The following CHODL variants were observed in gnomAD, a reference collection of about 807,000 sequenced individuals.
CHODL encodes chondrolectin, also known as transmembrane protein MT75.
In CHODL, 29 loss-of-function variants were observed where a neutral mutation model predicts 34.5. The observed-to-expected ratio is 0.84, with a 90% confidence interval of 0.63 to 1.15. The LOEUF (loss-of-function observed/expected upper bound fraction) is 1.15. CHODL is among the 50% of genes most tolerant of loss of function. CHODL has a pLI of 0.00. For missense variants in CHODL, 332 were observed against 332.5 expected, an observed-to-expected ratio of 1.00 and a Z score of 0.01; for synonymous variants, 125 against 116.1, an observed-to-expected ratio of 1.08 and a Z score of -0.49.
At chr21:18,194,541 A>G (rs1249701741) in intron 2 of CHODL, among the ~76,000 whole-genome samples, 1 of 151,990 alleles carries the variant, frequency 6.6e-6, no homozygotes, top group Non-Finnish European at 1.5e-5. Context: ...GTCATCTCTT[A>G]AAGTCATTTA....
chr21:18,255,187 A>G (rs1325610970), intron 1 of CHODL, among the ~76,000 whole-genome samples: 1 of 152,046 alleles, frequency 6.6e-6, no homozygotes, highest in Admixed American at 6.6e-5. Context: ...TATTCTATGT[A>G]TGTATTTATA....
intron 2 of CHODL, among the ~76,000 whole-genome samples, chr21:18,101,978 A>T (rs1354353306): frequency 6.6e-6 from 1 of 152,196 alleles, no homozygotes; most frequent in Non-Finnish European, 1.5e-5. Flanking sequence ...ATTTTCAATT[A>T]AAGATGAGTA....
chr21:17,937,504 A>G (rs1254103056), intron 1 of CHODL, among the ~76,000 whole-genome samples: 1 of 152,222 alleles, frequency 6.6e-6, no homozygotes, highest in Non-Finnish European at 1.5e-5. Flanking sequence ...CTTACAGATT[A>G]GGTTATTTGC....
chr21:18,062,681 G>T (rs1249273001), intron 2 of CHODL, among the ~76,000 whole-genome samples: 1 of 152,082 alleles, frequency 6.6e-6, no homozygotes, highest in Admixed American at 6.5e-5. Context: ...CAGGAGAATT[G>T]CTTGAACCCA....
At chr21:18,128,962 C>T (rs550481178) in intron 2 of CHODL, among the ~76,000 whole-genome samples, 1 of 152,010 alleles carries the variant, frequency 6.6e-6, no homozygotes, top group East Asian at 1.9e-4. Flanking sequence ...AATAATTATA[C>T]CCCACTTTGT....
chr21:17,932,974 A>T (rs754506521), intron 1 of CHODL, among the ~76,000 whole-genome samples: 18 of 152,158 alleles, frequency 1.2e-4, no homozygotes, highest in Non-Finnish European at 1.9e-4. Context: ...CAGCAGATAA[A>T]CACGTGAGGG....
chr21:18,060,949 C>T (rs564094825), intron 2 of CHODL, among the ~76,000 whole-genome samples: 5 of 152,210 alleles, frequency 3.3e-5, no homozygotes, highest in East Asian at 3.9e-4. Flanking sequence ...AAGAAATCTC[C>T]GAAGCTCGGT....
At chr21:18,080,447 GA>G (rs1022182148) in intron 2 of CHODL, among the ~76,000 whole-genome samples, 57 of 152,226 alleles carry the variant, frequency 3.7e-4, no homozygotes, top group African/African-American at 1.3e-3. Flanking sequence ...TTTCTTCAAG[GA>G]TATTGATAGT....
chr21:18,109,704 T>C (rs1421781867), intron 2 of CHODL, among the ~76,000 whole-genome samples: 1 of 149,170 alleles, frequency 6.7e-6, no homozygotes, highest in African/African-American at 2.4e-5. Flanking sequence ...AAATAAATAA[T>C]TTTTTTAAGT....
At chr21:18,173,410 T>C (rs948471434) in intron 2 of CHODL, among the ~76,000 whole-genome samples, 1 of 152,230 alleles carries the variant, frequency 6.6e-6, no homozygotes, top group Non-Finnish European at 1.5e-5. Context: ...AAGAAGTTTT[T>C]ATTTTGTTAA....
intron 1 of CHODL, among the ~76,000 whole-genome samples, chr21:17,986,733 C>T (rs761098339): frequency 5.3e-5 from 8 of 152,270 alleles, no homozygotes; most frequent in South Asian, 2.1e-4. Flanking sequence ...CTTGAGGAAT[C>T]GCCACACTGT....
At chr21:18,097,239 A>G (rs542660568) in intron 2 of CHODL, among the ~76,000 whole-genome samples, 2 of 152,284 alleles carry the variant, frequency 1.3e-5, no homozygotes, top group East Asian at 3.9e-4. Flanking sequence ...AGACAAGAGA[A>G]AGGAATACAG....
At chr21:17,978,946 T>C (rs2063692944) in intron 1 of CHODL, among the ~76,000 whole-genome samples, 1 of 152,046 alleles carries the variant, frequency 6.6e-6, no homozygotes, top group Admixed American at 6.6e-5. Flanking sequence ...TGCACATGAG[T>C]TCCTGCATCT....
intron 2 of CHODL, among the ~76,000 whole-genome samples, chr21:18,055,016 C>T (rs969408994): frequency 2.0e-5 from 3 of 151,776 alleles, no homozygotes; most frequent in Admixed American, 6.6e-5. Flanking sequence ...GTTCATTGAC[C>T]CTGTTTTAAA....
intron 2 of CHODL, among the ~76,000 whole-genome samples, chr21:18,035,356 C>A (rs1321546212): frequency 3.9e-5 from 6 of 151,952 alleles, no homozygotes; most frequent in South Asian, 4.1e-4. Context: ...TGTTTCCCTG[C>A]ACATAGTGTT....
chr21:18,250,581 A>G (rs1049642661), intron 1 of CHODL, among the ~76,000 whole-genome samples: 4 of 152,050 alleles, frequency 2.6e-5, no homozygotes, highest in Non-Finnish European at 2.9e-5. Context: ...AACTCTTTAT[A>G]AGAAAAAATT....
intron 1 of CHODL, among the ~76,000 whole-genome samples, chr21:17,983,412 A>G (rs1433398881): frequency 6.6e-6 from 1 of 152,142 alleles, no homozygotes; most frequent in East Asian, 1.9e-4. Context: ...GTATTTTTCT[A>G]ATTAGGGGCT....
Position 18,245,310 on chromosome 21 carries a change from A to T in CHODL, c.79+8A>T. On this transcript the variant is annotated splice_region_variant and intron_variant, in intron 1 of 5. Coordinates refer to ENST00000299295, the MANE Select transcript of CHODL (RefSeq NM_024944.3). ...GCCGCCGCGTGGTCAGCGGTGAGTC[A>T]GGGGCCGTCTCCCCGAAGAACGAGC... The T allele has an allele frequency of 5.3e-6, 8 of 1,517,982 alleles. No individual in the cohort carries two copies. The highest frequency in any genetic ancestry group is 7.0e-6 in the Non-Finnish European group (8 of 1,138,456). The allele number at this position is 1,517,982 out of a possible 1,614,324, so 94.0% of individuals were successfully genotyped here. A position where few individuals can be genotyped will look rare whatever the true frequency, so the allele number is the denominator to read the frequency against.
intron 2 of CHODL, among the ~76,000 whole-genome samples, chr21:18,044,259 T>C (rs866732358): frequency 5.5e-4 from 84 of 152,122 alleles, no homozygotes; most frequent in Middle Eastern, 3.4e-3. Flanking sequence ...AATTGTGTGA[T>C]TTCAATAATT....
Sources: gnomAD v4.1 joint callset for allele counts (sites outside exome capture counted in the v4.1 genomes callset) on GRCh38, gnomAD v4.1.1 for gene constraint, MANE v1.5 for transcripts, NCBI Gene and HGNC (gene_info 2026-07-23, HGNC 2026-07-21) for gene names.